Variants in ATF2 observed in about 807,000 individuals in gnomAD.
ATF2 encodes the protein activating transcription factor 2, also known as cyclic AMP-dependent transcription factor ATF-2.
A neutral mutation model predicts 60.6 loss-of-function variants in ATF2; 24 were observed. The observed-to-expected ratio is 0.40, with a 90% CI of 0.29 to 0.56. The LOEUF is 0.56. Ranked by LOEUF, ATF2 falls within the 20% of genes least tolerant of loss-of-function variation. The probability of loss-of-function intolerance (pLI) is 0.54; values close to 1 mark genes in which losing one functional copy is unlikely to be tolerated. For missense variants in ATF2, 433 were observed against 607.7 expected, an observed-to-expected ratio of 0.71 and a Z score of 3.02; for synonymous variants, 206 against 215.4, an observed-to-expected ratio of 0.96 and a Z score of 0.38.
In ATF2 at chr2:175,094,403, G is replaced by GAAAAAAAAAAAAAAAA. The variant is rs61440218; in HGVS notation, c.979-1152_979-1137dup. On this transcript the variant is annotated intron_variant, in intron 11 of 13. Coordinates refer to ENST00000264110, the MANE Select transcript of ATF2 (RefSeq NM_001880.4). ...AGCGAGACTCAGTCTCAAAAAATAC[G>GAAAAAAAAAAAAAAAA]AAAAAAAAAAAAAAAAAAAAAAAAA... is the stretch of plus-strand genomic sequence containing the variant. Among the ~76,000 whole-genome samples, 131 of 61,146 alleles carry GAAAAAAAAAAAAAAAA rather than the reference G, an allele frequency of 2.1e-3. 1 individual carries two copies. Among genetic ancestry groups the GAAAAAAAAAAAAAAAA allele is most frequent in the East Asian group, 4.5e-3 (6 of 1,328 alleles). 40.1% of individuals were successfully genotyped at this position (61,146 alleles called of 152,430 possible). A position where few individuals can be genotyped will look rare whatever the true frequency, so the allele number is the denominator to read the frequency against.
At chr2:175,123,076 C>T (rs567096667) in intron 4 of ATF2, among the ~76,000 whole-genome samples, 1 of 152,128 alleles carries the variant, frequency 6.6e-6, no homozygotes, top group South Asian at 2.1e-4. Context: ...CAGACATTTA[C>T]TGGGCAGCAA....
chr2:175,123,290 T>C (rs1156878530), intron 4 of ATF2, among the ~76,000 whole-genome samples: 1 of 152,114 alleles, frequency 6.6e-6, no homozygotes, highest in Non-Finnish European at 1.5e-5. Flanking sequence ...TTCTTTGTAT[T>C]GCTGTTTTAA....
intron 13 of ATF2, among the ~76,000 whole-genome samples, chr2:175,076,838 G>A (rs1334015361): frequency 1.3e-5 from 2 of 150,768 alleles, no homozygotes; most frequent in African/African-American, 4.9e-5. Context: ...GGGTACATGT[G>A]CACAACGTGC....
chr2:175,109,460 C>A (rs1000107401), intron 10 of ATF2, among the ~76,000 whole-genome samples: 4 of 152,060 alleles, frequency 2.6e-5, no homozygotes, highest in Admixed American at 2.0e-4. Context: ...GTGGACTGAT[C>A]GGAAAGAGAG....
chr2:175,114,893 G>A (rs925323760), intron 7 of ATF2, 25 bp from the exon 8 acceptor site: 1 of 1,598,758 alleles, frequency 6.3e-7, no homozygotes, highest in African/African-American at 1.3e-5. Flanking sequence ...GATAAAAAAG[G>A]GTGGCATTTA....
intron 13 of ATF2, among the ~76,000 whole-genome samples, chr2:175,079,946 T>C (rs911713757): frequency 2.6e-5 from 4 of 152,136 alleles, no homozygotes; most frequent in African/African-American, 9.7e-5. Flanking sequence ...ATGGACAAAA[T>C]TGGCCATTTA....
At chr2:175,099,227 C>T (rs532062664) in intron 10 of ATF2, among the ~76,000 whole-genome samples, 1 of 151,788 alleles carries the variant, frequency 6.6e-6, no homozygotes, top group African/African-American at 2.4e-5. Context: ...CCTTAGCCTC[C>T]TGAGGAGCTG....
rs183597168 is a variant in ATF2, at chr2:175,083,845, G to C, written c.1186-3080C>G. On this transcript the variant is annotated intron_variant, in intron 12 of 13. Transcript: ENST00000264110. ...CAAAACTGGGCAAAGGATATGAACAGACACTTCTCAAAAGAAGACATTTAT... is the reference window on the plus strand; with the variant it reads ...CAAAACTGGGCAAAGGATATGAACACACACTTCTCAAAAGAAGACATTTAT... Among the ~76,000 whole-genome samples the C allele has an allele frequency of 3.3e-5, 5 of 152,204 alleles. No homozygotes were observed. In the East Asian group the frequency reaches 9.7e-4, roughly 29 times the overall value.
chr2:175,108,601 G>A (rs1574387873), intron 10 of ATF2, among the ~76,000 whole-genome samples: 1 of 151,916 alleles, frequency 6.6e-6, no homozygotes, highest in South Asian at 2.1e-4. Flanking sequence ...GGGAGGTGGG[G>A]GGCGCCTCTG....
At chr2:175,104,295 T>C (rs974094097) in intron 10 of ATF2, among the ~76,000 whole-genome samples, 37 of 152,212 alleles carry the variant, frequency 2.4e-4, no homozygotes, top group Non-Finnish European at 1.5e-4. Context: ...TGCTACAATA[T>C]ACAGCATGTT....
In ATF2 at chr2:175,074,384, T is replaced by A; in HGVS notation, c.*225A>T. On this transcript the variant is annotated 3_prime_UTR_variant, in exon 14 of 14. Coordinates refer to ENST00000264110, the MANE Select transcript of ATF2 (RefSeq NM_001880.4). Reference sequence around the variant, plus strand: ...TTGAGCACAGAAAAATTAATAAATCTAATAATATTTATAAAAAAAGCAAAA... The same window carrying A: ...TTGAGCACAGAAAAATTAATAAATCAAATAATATTTATAAAAAAAGCAAAA... 2.9e-6 allele frequency: 1 copy of A among 349,462 alleles called. No individual in the cohort carries two copies. The highest frequency in any genetic ancestry group is 5.1e-6 in the Non-Finnish European group (1 of 196,216). 21.6% of individuals were successfully genotyped at this position (349,462 alleles called of 1,614,324 possible).
At chr2:175,128,829 A>G (rs1462120290) in intron 4 of ATF2, among the ~76,000 whole-genome samples, 2 of 152,180 alleles carry the variant, frequency 1.3e-5, no homozygotes, top group African/African-American at 4.8e-5. Context: ...CTACAACTCA[A>G]TAATAAAAAG....
intron 1 of ATF2, chr2:175,167,787 A>C (rs535118613): frequency 6.6e-6 from 3 of 453,098 alleles, no homozygotes; most frequent in African/African-American, 4.0e-5. Flanking sequence ...AAAGCGCGCG[A>C]GAGGGAGGGG....
chr2:175,161,657 C>T (rs139660116), intron 1 of ATF2, among the ~76,000 whole-genome samples: 1 of 152,276 alleles, frequency 6.6e-6, no homozygotes, highest in East Asian at 1.9e-4. Flanking sequence ...TTTCTTTATT[C>T]CAAGTGTTTC....
intron 5 of ATF2, among the ~76,000 whole-genome samples, chr2:175,121,037 C>G (rs1036169390): frequency 1.3e-5 from 2 of 151,782 alleles, no homozygotes; most frequent in Non-Finnish European, 3.0e-5. Flanking sequence ...ATGAACAAGT[C>G]TGCTCACTGT....
chr2:175,094,590 G>T (rs1486604416), intron 11 of ATF2, among the ~76,000 whole-genome samples: 1 of 151,984 alleles, frequency 6.6e-6, no homozygotes, highest in African/African-American at 2.4e-5. Flanking sequence ...CCTAATCTAT[G>T]TAATACAAGT....
rs748103537 is a variant in ATF2 at position 175,154,225 on chromosome 2, GAA to G, written c.-142-3069_-142-3068del. Among the ~76,000 whole-genome samples, 61 of 141,612 alleles carry G rather than the reference GAA, an allele frequency of 4.3e-4. 1 individual carries two copies. The highest frequency in any genetic ancestry group is 2.5e-3 in the Admixed American group (35 of 14,172). 92.9% of individuals were successfully genotyped at this position (141,612 alleles called of 152,430 possible). A position where few individuals can be genotyped will look rare whatever the true frequency, so the allele number is the denominator to read the frequency against. On this transcript the variant is annotated intron_variant, in intron 1 of 13. Coordinates refer to ENST00000264110, the MANE Select transcript of ATF2 (RefSeq NM_001880.4). ...GCGAAACTCCATCTCAAAAAGAAAA[GAA>G]AAAAAAAATATATATATATATATAT...
At chr2:175,130,910 T>C (rs1396001318) in intron 3 of ATF2, among the ~76,000 whole-genome samples, 1 of 152,196 alleles carries the variant, frequency 6.6e-6, no homozygotes, top group Non-Finnish European at 1.5e-5. Context: ...GATCATAAGT[T>C]AATCTTCTGA....
chr2:175,098,755 A>C (rs1391269295), intron 10 of ATF2, among the ~76,000 whole-genome samples: 2 of 152,214 alleles, frequency 1.3e-5, no homozygotes, highest in Non-Finnish European at 2.9e-5. Context: ...ATACCAGTAC[A>C]AGTATTTCCA....
Sources: allele counts gnomAD v4.1 joint callset (sites outside exome capture counted in the v4.1 genomes callset), GRCh38; gene constraint gnomAD v4.1.1; transcripts MANE v1.5; gene names NCBI Gene and HGNC (gene_info 2026-07-23, HGNC 2026-07-21).